Variants in IL1RL2 observed in about 807,000 individuals in gnomAD.
IL1RL2 encodes interleukin 1 receptor like 2.
IL1RL2 carries 68 observed loss-of-function variants against 66.8 expected under a neutral mutation model. That is an observed-to-expected ratio of 1.02 (90% CI 0.84 to 1.25). The LOEUF (loss-of-function observed/expected upper bound fraction) is 1.25, where lower values mean the gene tolerates loss of function less well. IL1RL2 is among the 50% of genes most tolerant of loss of function. The pLI, the probability that IL1RL2 is intolerant of heterozygous loss-of-function variation, is 0.00. For missense variants in IL1RL2, 729 were observed against 709.3 expected (o/e 1.03, Z -0.32); for synonymous variants, 305 against 264.6 (o/e 1.15, Z -1.48).
rs35966945 is a variant in IL1RL2, at chr2:102,225,791, T to C, written c.992-107T>C. 1.2e-3 allele frequency: 1,047 copies of C among 861,566 alleles called. 15 individuals carry two copies. In the African/African-American group the frequency reaches 0.017, roughly 14 times the overall value. The allele number at this position is 861,566 out of a possible 1,614,324, so 53.4% of individuals were successfully genotyped here. A position where few individuals can be genotyped will look rare whatever the true frequency, so the allele number is the denominator to read the frequency against. On this transcript the variant is annotated intron_variant, in intron 8 of 11. Coordinates refer to ENST00000264257, the MANE Select transcript of IL1RL2 (RefSeq NM_003854.4). ...GTGCCCTCATTGACATCCAAAACCT[T>C]TCCATTTGGCATTCATAATGTGATC...
intron 4 of IL1RL2, among the ~76,000 whole-genome samples, chr2:102,192,899 T>G (rs1468822737): frequency 3.9e-5 from 6 of 152,214 alleles, no homozygotes; most frequent in Non-Finnish European, 7.3e-5. Flanking sequence ...GTGAGTTTGG[T>G]AAGATTTTGT....
At chr2:102,241,003 C>T (rs1329552026), downstream of IL1RL2, among the ~76,000 whole-genome samples, 1 of 152,272 alleles carries the variant, frequency 6.6e-6, no homozygotes, top group Admixed American at 6.5e-5. Flanking sequence ...GCCATTGCGC[C>T]CTCTAGTGGC....
intron 9 of IL1RL2, among the ~76,000 whole-genome samples, chr2:102,231,906 A>T (rs866009892): frequency 6.6e-5 from 10 of 152,144 alleles, no homozygotes; most frequent in African/African-American, 2.4e-4. Flanking sequence ...ATCAAGAGGG[A>T]GTCATCCAGT....
In IL1RL2 at chr2:102,237,368, G is replaced by T. The variant is rs982616503; in HGVS notation, c.1679-1824G>T. On this transcript the variant is annotated intron_variant, in intron 11 of 11. Coordinates refer to ENST00000264257, the MANE Select transcript of IL1RL2 (RefSeq NM_003854.4). ...AGGTGGTGCCCACTGCCCTCAGGGG[G>T]TTTCCTGGCGTGGCCTGGTCTCACA... Among the ~76,000 whole-genome samples, 127 of 152,326 alleles carry T rather than the reference G, an allele frequency of 8.3e-4. 1 individual carries two copies. Among genetic ancestry groups the T allele is most frequent in the African/African-American group, 3.0e-3 (123 of 41,580 alleles).
chr2:102,187,501 C>T (rs1578072081), intron 1 of IL1RL2, among the ~76,000 whole-genome samples: 1 of 152,160 alleles, frequency 6.6e-6, no homozygotes. Flanking sequence ...CCGCAGGCTG[C>T]GCTGGGGGGC....
chr2:102,195,348 A>G (rs4851553), intron 4 of IL1RL2, among the ~76,000 whole-genome samples: 11,925 of 151,338 alleles, frequency 0.079, 578 homozygotes, highest in African/African-American at 0.12. Context: ...TTTTTCCTAT[A>G]TTTTCTTCTT....
At chr2:102,199,208 A>G (rs763535613) in intron 4 of IL1RL2, among the ~76,000 whole-genome samples, 2 of 152,238 alleles carry the variant, frequency 1.3e-5, no homozygotes, top group Non-Finnish European at 2.9e-5. Flanking sequence ...AATAAAATCT[A>G]AATGGTCTTT....
intron 3 of IL1RL2, among the ~76,000 whole-genome samples, 195 bp from the exon 4 acceptor site, chr2:102,191,730 T>C (rs1261983737): frequency 1.3e-5 from 2 of 152,214 alleles, no homozygotes; most frequent in African/African-American, 2.4e-5. Flanking sequence ...AGTTAAGGTG[T>C]TGTCCAGTTC....
Position 102,192,609 on chromosome 2 carries a change from C to G in IL1RL2, c.489+489C>G, listed in dbSNP as rs138031778. On this transcript the variant is annotated intron_variant, in intron 4 of 11. Transcript: ENST00000264257. ...ATAAAAATATATAGTCTAGCTCTTT[C>G]TAGCCCTTCCTTTTTTACGCTCATC... Among the ~76,000 whole-genome samples the G allele has an allele frequency of 3.3e-5, 5 of 152,314 alleles. No individual in the cohort carries two copies. The East Asian group carries it at 9.6e-4, about 29-fold the overall frequency.
At chr2:102,194,527 C>T (rs1490995766) in intron 4 of IL1RL2, among the ~76,000 whole-genome samples, 1 of 151,054 alleles carries the variant, frequency 6.6e-6, no homozygotes, top group Non-Finnish European at 1.5e-5. Context: ...ATTAACAGTT[C>T]CAGCAGCAGT....
upstream of IL1RL2, chr2:102,186,975 C>T: frequency 1.6e-6 from 2 of 1,279,664 alleles, no homozygotes; most frequent in Non-Finnish European, 2.0e-6. Flanking sequence ...AGGTCTGCCC[C>T]GCCCACGGTG....
rs1333241875 is a variant in IL1RL2, at chr2:102,239,209, AG to A, written c.1697del (p.Arg566LysfsTer47). 1 of 1,614,100 alleles carries A rather than the reference AG, an allele frequency of 6.2e-7. No individual in the cohort carries two copies. Among genetic ancestry groups the A allele is most frequent in the Admixed American group, 1.7e-5 (1 of 60,032 alleles). On this transcript the variant is annotated frameshift_variant, in exon 12 of 12. Transcript: ENST00000264257. LOFTEE classifies it low-confidence loss of function (END_TRUNC). ...GATTTCAGGCCCAGAACTAGGCTCAAGAAGAAAGAAGTGTACTCTCACGACT... is the reference window on the plus strand; with the variant it reads ...GATTTCAGGCCCAGAACTAGGCTCAAAAGAAAGAAGTGTACTCTCACGACT... ...YRTAGPELGS[R>X]RKKCTLTTG is the part of the protein sequence containing the mutation.
intron 8 of IL1RL2, among the ~76,000 whole-genome samples, chr2:102,223,524 T>C (rs1308412803): frequency 2.0e-5 from 3 of 152,222 alleles, no homozygotes; most frequent in Non-Finnish European, 2.9e-5. Flanking sequence ...CATTTATTTC[T>C]ATTTCAAAAC....
chr2:102,220,546 T>C (rs997798227), intron 8 of IL1RL2, among the ~76,000 whole-genome samples: 4 of 152,100 alleles, frequency 2.6e-5, no homozygotes, highest in Non-Finnish European at 5.9e-5. Context: ...GAAAAGATAG[T>C]GGAGGGTGAA....
At chr2:102,232,758 G>A (rs1014196541) in intron 9 of IL1RL2, among the ~76,000 whole-genome samples, 3 of 152,232 alleles carry the variant, frequency 2.0e-5, no homozygotes, top group African/African-American at 4.8e-5. Context: ...TGAGCATTGG[G>A]GATAAGACCA....
At chr2:102,205,152 C>T (rs879354105) in intron 5 of IL1RL2, among the ~76,000 whole-genome samples, 13 of 152,190 alleles carry the variant, frequency 8.5e-5, no homozygotes, top group South Asian at 2.1e-4. Flanking sequence ...AAATTTTACA[C>T]CTTAACTTTA....
At chr2:102,210,544 T>A (rs1430960737) in intron 5 of IL1RL2, among the ~76,000 whole-genome samples, 1 of 152,146 alleles carries the variant, frequency 6.6e-6, no homozygotes, top group African/African-American at 2.4e-5. Flanking sequence ...GGTAACATGA[T>A]GTCATTGAAG....
intron 6 of IL1RL2, among the ~76,000 whole-genome samples, chr2:102,212,721 C>G (rs1047745099): frequency 6.6e-6 from 1 of 152,174 alleles, no homozygotes; most frequent in East Asian, 1.9e-4. Context: ...GTAATCCCAG[C>G]ACTTTAGGAG....
At position 102,232,960 on chromosome 2, in the gene IL1RL2, C is replaced by T. The variant is rs925155459; in HGVS notation, c.1136-3C>T. On this transcript the variant is annotated splice_polypyrimidine_tract_variant and splice_region_variant and intron_variant, in intron 9 of 11. Transcript: ENST00000264257. ...TCCACAAGCTTGTCCAATTCCTTTT[C>T]AGATGGGAAGCTGTATGACGCCTAT... 9.4e-6 allele frequency: 15 copies of T among 1,602,822 alleles called. No individual in the cohort carries two copies. Among genetic ancestry groups the T allele is most frequent in the Non-Finnish European group, 1.3e-5 (15 of 1,172,212 alleles).
Sources: gnomAD v4.1 joint callset for allele counts (sites outside exome capture counted in the v4.1 genomes callset) on GRCh38, gnomAD v4.1.1 for gene constraint, MANE v1.5 for transcripts, NCBI Gene and HGNC (gene_info 2026-07-23, HGNC 2026-07-21) for gene names.